Variants in FGGY observed in about 807,000 individuals in gnomAD.
The protein encoded by FGGY is FGGY carbohydrate kinase domain containing, also known as FGGY carbohydrate kinase domain-containing protein.
A neutral mutation model predicts 71.3 loss-of-function variants in FGGY; 72 were observed. The observed-to-expected ratio is 1.01, with a 90% CI of 0.84 to 1.23. FGGY has a LOEUF of 1.23. Ranked by LOEUF, FGGY falls within the 50% of genes most tolerant of loss-of-function variation. The pLI is 0.00. For missense variants in FGGY, 668 were observed against 682.3 expected (o/e 0.98, Z 0.23); for synonymous variants, 251 against 250.3 (o/e 1.00, Z -0.02).
At chr1:59,379,101 C>T (rs1264531149) in intron 5 of FGGY, among the ~76,000 whole-genome samples, 2 of 150,688 alleles carry the variant, frequency 1.3e-5, no homozygotes, top group Admixed American at 1.3e-4. Flanking sequence ...ATGAAAAATC[C>T]AGAGTGAAAT....
At chr1:59,514,486 G>A (rs684413) in intron 7 of FGGY, among the ~76,000 whole-genome samples, 1,922 of 152,300 alleles carry the variant, frequency 0.013, 53 homozygotes, top group African/African-American at 0.044. Context: ...AGTGGCAGAA[G>A]TTTTACCCTT....
intron 6 of FGGY, among the ~76,000 whole-genome samples, chr1:59,492,827 T>G (rs2093910406): frequency 6.6e-6 from 1 of 152,122 alleles, no homozygotes; most frequent in Non-Finnish European, 1.5e-5. Context: ...CTCTCACTTC[T>G]AGAGATATCA....
chr1:59,485,438 A>T (rs72664599), intron 6 of FGGY, among the ~76,000 whole-genome samples: 3,083 of 152,274 alleles, frequency 0.02, 52 homozygotes, highest in Non-Finnish European at 0.033. Flanking sequence ...CTGGTCAGGT[A>T]GGTTAGCAGT....
intron 5 of FGGY, among the ~76,000 whole-genome samples, chr1:59,424,501 C>T (rs979517803): frequency 2.0e-5 from 3 of 152,234 alleles, no homozygotes; most frequent in Middle Eastern, 3.4e-3. Flanking sequence ...GAGCCAAAAT[C>T]GCGCCACTGC....
At chr1:59,707,414 G>T (rs947049369) in intron 14 of FGGY, among the ~76,000 whole-genome samples, 2 of 152,196 alleles carry the variant, frequency 1.3e-5, no homozygotes, top group African/African-American at 4.8e-5. Flanking sequence ...GGGAGAGAGG[G>T]ATGACTGTGT....
At chr1:59,521,692 AC>A (rs973737683) in intron 7 of FGGY, among the ~76,000 whole-genome samples, 1 of 152,132 alleles carries the variant, frequency 6.6e-6, no homozygotes, top group African/African-American at 2.4e-5. Context: ...ATCCAAAGTT[AC>A]CCCAGCATAT....
intron 5 of FGGY, among the ~76,000 whole-genome samples, chr1:59,430,426 A>T (rs750470674): frequency 6.6e-6 from 1 of 152,148 alleles, no homozygotes; most frequent in Non-Finnish European, 1.5e-5. Flanking sequence ...GAGACATTTC[A>T]TATTACACTG....
At chr1:59,610,572 G>C (rs1238353125) in intron 9 of FGGY, among the ~76,000 whole-genome samples, 1 of 152,210 alleles carries the variant, frequency 6.6e-6, no homozygotes, top group Non-Finnish European at 1.5e-5. Flanking sequence ...CCAGTCTACA[G>C]CTCCCAGCAT....
chr1:59,442,505 A>G (rs2070183684), intron 5 of FGGY, among the ~76,000 whole-genome samples: 2 of 152,056 alleles, frequency 1.3e-5, no homozygotes, highest in African/African-American at 2.4e-5. Flanking sequence ...GAGACAGGAC[A>G]TCTTGAAAGG....
chr1:59,359,330 T>A (rs1331747044), intron 4 of FGGY, among the ~76,000 whole-genome samples: 1 of 152,206 alleles, frequency 6.6e-6, no homozygotes, highest in Non-Finnish European at 1.5e-5. Flanking sequence ...TAAAACGTTA[T>A]CAAAGTTATT....
intron 3 of FGGY, among the ~76,000 whole-genome samples, chr1:59,342,421 T>G (rs555072045): frequency 8.1e-4 from 124 of 152,302 alleles, no homozygotes; most frequent in Non-Finnish European, 1.4e-3. Flanking sequence ...GTAGAATGGC[T>G]TCCTGTTAAC....
intron 7 of FGGY, among the ~76,000 whole-genome samples, chr1:59,539,257 A>C (rs2095401465): frequency 6.6e-6 from 1 of 152,200 alleles, no homozygotes; most frequent in Non-Finnish European, 1.5e-5. Flanking sequence ...TGTGTGTAAG[A>C]GGATGGAAAT....
At chr1:59,368,575 AG>A (rs1458280490) in intron 4 of FGGY, among the ~76,000 whole-genome samples, 1 of 152,252 alleles carries the variant, frequency 6.6e-6, no homozygotes, top group Non-Finnish European at 1.5e-5. Context: ...TGGAGGACTT[AG>A]AGGACGATCA....
intron 1 of FGGY, among the ~76,000 whole-genome samples, chr1:59,311,743 T>A (rs2044373704): frequency 6.6e-6 from 1 of 152,220 alleles, no homozygotes; most frequent in South Asian, 2.1e-4. Flanking sequence ...TTTATATTCC[T>A]TTGGGTATAT....
At chr1:59,382,447 C>A (rs2059581679) in intron 5 of FGGY, among the ~76,000 whole-genome samples, 1 of 152,162 alleles carries the variant, frequency 6.6e-6, no homozygotes, top group Admixed American at 6.5e-5. Flanking sequence ...CTCTGCAAAC[C>A]TCAGGTACAT....
chr1:59,729,187 TTTATTATTATTATCA>T, intron 14 of FGGY, among the ~76,000 whole-genome samples: 1 of 151,938 alleles, frequency 6.6e-6, no homozygotes, highest in East Asian at 1.9e-4. Flanking sequence ...TGTTGGTCTT[TTTATTATTATTATCA>T]TTATTATTAT....
chr1:59,696,865 C>G (rs2097664241), intron 14 of FGGY, among the ~76,000 whole-genome samples: 2 of 152,096 alleles, frequency 1.3e-5, no homozygotes, highest in African/African-American at 4.8e-5. Flanking sequence ...CACACAAACC[C>G]TCTTTTTACA....
chr1:59,732,419 A>G (rs760377514), intron 14 of FGGY, among the ~76,000 whole-genome samples: 2 of 152,208 alleles, frequency 1.3e-5, no homozygotes, highest in Non-Finnish European at 2.9e-5. Context: ...AAAAGTTGGA[A>G]GAACAGCTGG....
chr1:59,388,458 G>A (rs2060331225), intron 5 of FGGY, among the ~76,000 whole-genome samples: 1 of 152,136 alleles, frequency 6.6e-6, no homozygotes, highest in Admixed American at 6.5e-5. Flanking sequence ...TTCTCTGAGT[G>A]GAGAGAGGAG....
Sources: allele counts gnomAD v4.1 joint callset (sites outside exome capture counted in the v4.1 genomes callset), GRCh38; gene constraint gnomAD v4.1.1; transcripts MANE v1.5; gene names NCBI Gene and HGNC (gene_info 2026-07-23, HGNC 2026-07-21).